The following KANSL2 variants were observed in gnomAD, a reference collection of about 807,000 sequenced individuals.
The protein encoded by KANSL2 is NSL complex protein NSL2.
A neutral mutation model predicts 55.6 loss-of-function variants in KANSL2; 34 were observed. That is an observed-to-expected ratio of 0.61 (90% confidence interval 0.46 to 0.81). KANSL2 has a LOEUF of 0.81. KANSL2 is among the 40% of genes least tolerant of loss of function. The pLI is 0.00. For missense variants in KANSL2, 502 were observed against 609.9 expected (o/e 0.82, Z 1.86); for synonymous variants, 209 against 214.3 (o/e 0.98, Z 0.22).
At chr12:48,675,172 T>C (rs1472218169) in intron 4 of KANSL2, among the ~76,000 whole-genome samples, 2 of 151,550 alleles carry the variant, frequency 1.3e-5, no homozygotes, top group African/African-American at 2.4e-5. Context: ...GAGGTGGGCA[T>C]ACTGCCTGAG....
rs113339468 is a variant in KANSL2, at chr12:48,662,422, G to A, written c.974-1803C>T. On this transcript the variant is annotated intron_variant, in intron 7 of 9. Coordinates refer to ENST00000420613, the MANE Select transcript of KANSL2 (RefSeq NM_017822.4). Reference sequence around the variant, plus strand: ...GCCTGGCCAAGAACTTTTTTTTATTGGAATTCAAAGGACTTTCACAAGTCT... The same window carrying A: ...GCCTGGCCAAGAACTTTTTTTTATTAGAATTCAAAGGACTTTCACAAGTCT... The A allele has an allele frequency of 2.0e-3, 1,883 of 924,372 alleles. 31 individuals are homozygous for A. In the African/African-American group the frequency reaches 0.032, roughly 16 times the overall value. The allele number at this position is 924,372 out of a possible 1,614,324, so 57.3% of individuals were successfully genotyped here. A position where few individuals can be genotyped will look rare whatever the true frequency, so the allele number is the denominator to read the frequency against.
At position 48,673,685 on chromosome 12, in the gene KANSL2, C is replaced by T. The variant is rs1437716252; in HGVS notation, c.546-1723G>A. Among the ~76,000 whole-genome samples, 3 of 152,016 alleles carry T rather than the reference C, an allele frequency of 2.0e-5. No homozygotes were observed. The East Asian group carries it at 5.8e-4, about 29-fold the overall frequency. On this transcript the variant is annotated intron_variant, in intron 4 of 9. Transcript: ENST00000420613. ...AGATGAGGCCAGGTGTGATAGCTCA[C>T]GCCTGTAATCCCAGCACTTTGGGAG...
intron 5 of KANSL2, 27 bp downstream of exon 5, chr12:48,671,772 G>C (rs778905547): frequency 1.9e-6 from 3 of 1,590,632 alleles, no homozygotes; most frequent in Non-Finnish European, 1.7e-6. Flanking sequence ...ACCCACAACA[G>C]CTTGTTGGAA....
chr12:48,661,239 T>C (rs907322378), intron 7 of KANSL2: 2 of 972,384 alleles, frequency 2.1e-6, no homozygotes, highest in African/African-American at 1.8e-5. Context: ...AATCCTTTTA[T>C]GATCCTAAAG....
intron 4 of KANSL2, among the ~76,000 whole-genome samples, chr12:48,672,933 A>AT (rs1386348183): frequency 1.3e-5 from 2 of 151,558 alleles, no homozygotes; most frequent in African/African-American, 4.8e-5. Flanking sequence ...TAATTTTTAT[A>AT]TTTTCAGTAG....
intron 6 of KANSL2, 123 bp downstream of exon 6, chr12:48,668,983 T>A (rs558633941): frequency 1.5e-5 from 10 of 652,116 alleles, no homozygotes; most frequent in Non-Finnish European, 2.3e-5. Flanking sequence ...TTGAGAGATC[T>A]CAGTGAGCCG....
intron 8 of KANSL2, among the ~76,000 whole-genome samples, chr12:48,659,663 T>C (rs1375260028): frequency 6.6e-6 from 1 of 152,100 alleles, no homozygotes; most frequent in Non-Finnish European, 1.5e-5. Context: ...AAGCTGGGCG[T>C]GGTGGCTCAT....
chr12:48,678,967 A>T, intron 4 of KANSL2, 69 bp downstream of exon 4: 1 of 1,089,842 alleles, frequency 9.2e-7, no homozygotes, highest in Non-Finnish European at 1.4e-6. Flanking sequence ...CTAATTTATT[A>T]ACAGCATGCA....
intron 8 of KANSL2, among the ~76,000 whole-genome samples, chr12:48,660,060 G>T (rs1180575068): frequency 6.6e-6 from 1 of 152,284 alleles, no homozygotes. Context: ...TCTGAAATTA[G>T]ATAGTGGTGG....
At chr12:48,662,078 T>C (rs1274743235) in intron 7 of KANSL2, among the ~76,000 whole-genome samples, 1 of 152,250 alleles carries the variant, frequency 6.6e-6, no homozygotes, top group Non-Finnish European at 1.5e-5. Context: ...CCACTCTTAA[T>C]ATTTAAAATA....
intron 5 of KANSL2, among the ~76,000 whole-genome samples, chr12:48,671,456 A>C (rs1430900670): frequency 1.3e-5 from 2 of 152,116 alleles, no homozygotes; most frequent in Admixed American, 1.3e-4. Flanking sequence ...CGCCCAAAAT[A>C]ACTTCCAGTC....
intron 8 of KANSL2, among the ~76,000 whole-genome samples, chr12:48,656,013 T>A (rs1939373607): frequency 6.6e-6 from 1 of 152,230 alleles, no homozygotes; most frequent in Admixed American, 6.5e-5. Flanking sequence ...TGAGGCTACC[T>A]GTAATGAACA....
At chr12:48,672,433 A>ATATATATATTT (rs371918890) in intron 4 of KANSL2, among the ~76,000 whole-genome samples, 4 of 120,382 alleles carry the variant, frequency 3.3e-5, no homozygotes, top group African/African-American at 1.5e-4. Flanking sequence ...ATATATATAT[A>ATATATATATTT]TTTTTTTTTT....
intron 8 of KANSL2, among the ~76,000 whole-genome samples, chr12:48,655,568 C>CA (rs11427280): frequency 0.56 from 80,402 of 143,428 alleles, 22,298 homozygotes; most frequent in East Asian, 0.76. Context: ...GACCCTGTCT[C>CA]AAAAAAAAAA....
chr12:48,673,581 A>G (rs948937983), intron 4 of KANSL2, among the ~76,000 whole-genome samples: 1 of 150,556 alleles, frequency 6.6e-6, no homozygotes, highest in Non-Finnish European at 1.5e-5. Flanking sequence ...AAAAAAAAAA[A>G]AGAACTTCTA....
At chr12:48,677,951 T>G (rs563406973) in intron 4 of KANSL2, among the ~76,000 whole-genome samples, 1 of 152,110 alleles carries the variant, frequency 6.6e-6, no homozygotes, top group South Asian at 2.1e-4. Flanking sequence ...TCAATAGAAA[T>G]GGATGAAATT....
At chr12:48,675,273 G>C (rs1939799766) in intron 4 of KANSL2, among the ~76,000 whole-genome samples, 1 of 151,986 alleles carries the variant, frequency 6.6e-6, no homozygotes, top group South Asian at 2.1e-4. Context: ...GGGCACAGCG[G>C]CGTGCGCCTG....
chr12:48,656,280 T>G (rs931988509), intron 8 of KANSL2, among the ~76,000 whole-genome samples: 4 of 150,486 alleles, frequency 2.7e-5, no homozygotes, highest in African/African-American at 9.7e-5. Flanking sequence ...TTGTTTTGTT[T>G]TTTTTTTTTT....
chr12:48,681,939 G>A lies in KANSL2; in HGVS notation c.-10+248C>T, dbSNP rs1939936163. 5 of 703,062 alleles carry A rather than the reference G, an allele frequency of 7.1e-6. No individual in the cohort carries two copies. The East Asian group carries it at 1.1e-4, about 15-fold the overall frequency. 43.6% of individuals were successfully genotyped at this position (703,062 alleles called of 1,614,324 possible). A position where few individuals can be genotyped will look rare whatever the true frequency, so the allele number is the denominator to read the frequency against. On this transcript the variant is annotated intron_variant, in intron 1 of 9. Coordinates refer to ENST00000420613, the MANE Select transcript of KANSL2 (RefSeq NM_017822.4). The stretch of plus-strand genomic sequence containing the variant: ...ACCAGCCCCACGCGGCGGCCACGCC[G>A]CCTCCCCGCACGCCGCCTTTGTCCC...
Sources: allele counts gnomAD v4.1 joint callset (sites outside exome capture counted in the v4.1 genomes callset), GRCh38; gene constraint gnomAD v4.1.1; transcripts MANE v1.5; gene names NCBI Gene and HGNC (gene_info 2026-07-23, HGNC 2026-07-21).